MRTFA: variants seen among roughly 807,000 people sequenced by gnomAD.
MRTFA encodes myocardin related transcription factor A, also known as myocardin-related transcription factor A.
In MRTFA, 20 loss-of-function variants were observed where a neutral mutation model predicts 83.5. The ratio of observed to expected loss-of-function variants is 0.24; its 90% CI spans 0.17 to 0.35. MRTFA has a LOEUF of 0.35. Ranked by LOEUF, MRTFA falls within the 10% of genes least tolerant of loss-of-function variation. The pLI, the probability that MRTFA is intolerant of heterozygous loss-of-function variation, is 1.00. For missense variants in MRTFA, 1,200 were observed against 1,224.7 expected (o/e 0.98, Z 0.30); for synonymous variants, 659 against 541.2 (o/e 1.22, Z -3.02).
At position 40,457,302 on chromosome 22, in the gene MRTFA, T is replaced by A. The variant is rs192518176; in HGVS notation, c.307+5919A>T. Among the ~76,000 whole-genome samples, 556 of 151,618 alleles carry A rather than the reference T, an allele frequency of 3.7e-3. 3 individuals carry two copies. The highest frequency in any genetic ancestry group is 6.6e-3 in the Non-Finnish European group (451 of 67,906). On this transcript the variant is annotated intron_variant, in intron 4 of 14. Coordinates refer to ENST00000355630, the MANE Select transcript of MRTFA (RefSeq NM_020831.6). ...ATCGCTTGAACCCAGGAGGCGGAGG[T>A]TGCAGTGAGCTTAGATGGCGCCACT... is the stretch of plus-strand genomic sequence containing the variant.
rs555425266 is a variant in MRTFA at position 40,635,539 on chromosome 22, C to A, written c.-84+939G>T. Among the ~76,000 whole-genome samples the A allele has an allele frequency of 2.8e-4, 42 of 152,234 alleles. No homozygotes were observed. The South Asian group carries it at 6.0e-3, about 22-fold the overall frequency. On this transcript the variant is annotated intron_variant, in intron 1 of 14. Transcript: ENST00000355630. ...GTATATACACACACTTCATGCCAAA[C>A]AGAGGCTGGCAAGCAAGTTAACCAT... is the stretch of plus-strand genomic sequence containing the variant.
chr22:40,488,192 G>A (rs1044866666), intron 3 of MRTFA, among the ~76,000 whole-genome samples: 1 of 152,156 alleles, frequency 6.6e-6, no homozygotes, highest in African/African-American at 2.4e-5. Context: ...GCTATCTGAA[G>A]GCCTTCATAA....
At chr22:40,517,855 G>A (rs2147252767) in intron 3 of MRTFA, among the ~76,000 whole-genome samples, 1 of 152,254 alleles carries the variant, frequency 6.6e-6, no homozygotes, top group South Asian at 2.1e-4. Flanking sequence ...AGAACTTGCA[G>A]CCCCACCATA....
chr22:40,508,086 A>G (rs1041299328), intron 3 of MRTFA, among the ~76,000 whole-genome samples: 5 of 152,060 alleles, frequency 3.3e-5, no homozygotes, highest in Non-Finnish European at 5.9e-5. Context: ...CTAGGGAAAC[A>G]TAAGTTTCTC....
intron 12 of MRTFA, 86 bp downstream of exon 12, chr22:40,418,288 G>A: frequency 3.3e-6 from 5 of 1,533,170 alleles, no homozygotes; most frequent in Non-Finnish European, 4.4e-6. Context: ...TCCAGCACGA[G>A]GGGTCCCCTG....
At chr22:40,441,695 G>A (rs1190366403) in intron 4 of MRTFA, among the ~76,000 whole-genome samples, 1 of 151,772 alleles carries the variant, frequency 6.6e-6, no homozygotes, top group Non-Finnish European at 1.5e-5. Flanking sequence ...GCTGAGGCAG[G>A]AGAAATGCTT....
chr22:40,462,739 G>C (rs965321013), intron 4 of MRTFA, among the ~76,000 whole-genome samples: 1 of 152,162 alleles, frequency 6.6e-6, no homozygotes, highest in African/African-American at 2.4e-5. Context: ...CTCACGCCCA[G>C]GCCAGCCTTA....
rs762531612 is a variant in MRTFA, at chr22:40,418,499, G to C, written c.2239C>G (p.Pro747Ala). The change falls in exon 12 of 15, where the codon CCC becomes GCC. Residue 747 changes from proline (P) to alanine (A), a missense_variant. Around this residue, in one of 2 missense-constraint regions of MRTFA, gnomAD observed 1,107 missense variants for 1,041.8 expected, o/e 1.06. Transcript: ENST00000355630. The stretch of plus-strand genomic sequence containing the variant: ...GGTGCAACCCCCTTGATGAGGCTGG[G>C]GCCCTGAGGCCCCAGAAGCAACTGG... 6.2e-7 allele frequency: 1 copy of C among 1,601,690 alleles called. No homozygotes were observed. Among genetic ancestry groups the C allele is most frequent in the Non-Finnish European group, 8.5e-7 (1 of 1,176,196 alleles).
intron 3 of MRTFA, among the ~76,000 whole-genome samples, chr22:40,475,469 G>A (rs902041591): frequency 6.6e-5 from 10 of 151,946 alleles, no homozygotes; most frequent in Non-Finnish European, 8.8e-5. Flanking sequence ...TCTGGGAGGC[G>A]GAGGTTGCAG....
Position 40,590,512 on chromosome 22 carries a change from C to T in MRTFA, c.-22+4162G>A, listed in dbSNP as rs139044857. Among the ~76,000 whole-genome samples, 662 of 150,752 alleles carry T rather than the reference C, an allele frequency of 4.4e-3. 7 individuals carry two copies. Among genetic ancestry groups the T allele is most frequent in the African/African-American group, 0.016 (638 of 41,038 alleles). ...TGAAACCCCGTCTCTACTAAAAATA[C>T]AAAAATTAGTCGGGCATAGTGGCAC... On this transcript the variant is annotated intron_variant, in intron 2 of 14. Transcript: ENST00000355630.
intron 3 of MRTFA, among the ~76,000 whole-genome samples, chr22:40,466,649 G>A (rs963868616): frequency 6.6e-6 from 1 of 152,154 alleles, no homozygotes; most frequent in Non-Finnish European, 1.5e-5. Context: ...TTTTATTTCA[G>A]AGAATAAGGG....
chr22:40,559,600 T>G (rs910015762), intron 2 of MRTFA, among the ~76,000 whole-genome samples: 1 of 151,902 alleles, frequency 6.6e-6, no homozygotes, highest in East Asian at 1.9e-4. Context: ...AGAGACGAGA[T>G]CTCACTATGT....
At chr22:40,437,648 A>G (rs989596500) in intron 4 of MRTFA, among the ~76,000 whole-genome samples, 3 of 151,914 alleles carry the variant, frequency 2.0e-5, no homozygotes, top group African/African-American at 7.3e-5. Context: ...CTGTAATCCC[A>G]GCTACTCAGG....
chr22:40,517,397 C>G (rs1244584311), intron 3 of MRTFA, among the ~76,000 whole-genome samples: 1 of 152,092 alleles, frequency 6.6e-6, no homozygotes, highest in Non-Finnish European at 1.5e-5. Context: ...TTAGAACAGC[C>G]TATCAACAGC....
chr22:40,497,096 T>A (rs1602337569), intron 3 of MRTFA, among the ~76,000 whole-genome samples: 1 of 152,182 alleles, frequency 6.6e-6, no homozygotes, highest in African/African-American at 2.4e-5. Flanking sequence ...CTACAGGCTG[T>A]TCAAGAAACG....
At chr22:40,604,233 C>T (rs1433840966) in intron 1 of MRTFA, among the ~76,000 whole-genome samples, 1 of 151,614 alleles carries the variant, frequency 6.6e-6, no homozygotes, top group Non-Finnish European at 1.5e-5. Context: ...CAGGTTCACG[C>T]CATTCTCCTG....
chr22:40,466,867 C>T (rs1602291186), intron 3 of MRTFA, among the ~76,000 whole-genome samples: 1 of 151,554 alleles, frequency 6.6e-6, no homozygotes. Context: ...AAAGCTAACA[C>T]ATTTAATAAA....
intron 3 of MRTFA, among the ~76,000 whole-genome samples, chr22:40,548,608 C>T (rs1407403786): frequency 6.6e-6 from 1 of 152,010 alleles, no homozygotes; most frequent in African/African-American, 2.4e-5. Context: ...CATCTGTAAT[C>T]CCAGCACTTT....
At chr22:40,578,353 T>C (rs1043827454) in intron 2 of MRTFA, among the ~76,000 whole-genome samples, 1 of 152,078 alleles carries the variant, frequency 6.6e-6, no homozygotes, top group Admixed American at 6.6e-5. Flanking sequence ...AAACTCAATC[T>C]AAAATATAAA....
Sources: allele counts gnomAD v4.1 joint callset (sites outside exome capture counted in the v4.1 genomes callset), GRCh38; gene constraint gnomAD v4.1.1; regional missense constraint gnomAD v4.1.1; transcripts MANE v1.5; gene names NCBI Gene and HGNC (gene_info 2026-07-23, HGNC 2026-07-21).